CACNB4: variants seen among roughly 807,000 people sequenced by gnomAD.
The protein encoded by CACNB4 is calcium voltage-gated channel auxiliary subunit beta 4.
A neutral mutation model predicts 71.2 loss-of-function variants in CACNB4; 32 were observed. That is an observed-to-expected ratio of 0.45 (90% CI 0.34 to 0.60). The LOEUF is 0.60. Among genes scored for constraint, CACNB4 ranks in the 20% least tolerant of loss-of-function variants. CACNB4 has a pLI of 0.01. For missense variants in CACNB4, 464 were observed against 647.9 expected (o/e 0.72, Z 3.08); for synonymous variants, 231 against 236.9 (o/e 0.97, Z 0.23).
intron 12 of CACNB4, 99 bp downstream of exon 12, chr2:151,853,349 C>T (rs1052739648): frequency 1.5e-5 from 10 of 674,724 alleles, no homozygotes; most frequent in Non-Finnish European, 2.5e-5. Flanking sequence ...ATACCATCAT[C>T]ACCATCATTT....
At chr2:151,862,235 A>G (rs1040420671) in intron 9 of CACNB4, among the ~76,000 whole-genome samples, 2 of 152,206 alleles carry the variant, frequency 1.3e-5, no homozygotes, top group Non-Finnish European at 2.9e-5. Flanking sequence ...TCTGGGGACA[A>G]CACTGCCAGC....
chr2:151,982,628 G>A (rs143609921), intron 2 of CACNB4, among the ~76,000 whole-genome samples: 1,590 of 126,694 alleles, frequency 0.013, 25 homozygotes, highest in African/African-American at 0.049. Flanking sequence ...GCGAGACTCC[G>A]TCTCAAAAAA....
At chr2:152,078,570 G>A (rs546714224) in intron 2 of CACNB4, among the ~76,000 whole-genome samples, 71 of 152,242 alleles carry the variant, frequency 4.7e-4, no homozygotes, top group African/African-American at 1.6e-3. Flanking sequence ...GCTAGATGTC[G>A]CCTCATGACA....
chr2:151,932,091 G>A (rs187525118), intron 2 of CACNB4, among the ~76,000 whole-genome samples: 1 of 152,132 alleles, frequency 6.6e-6, no homozygotes, highest in Admixed American at 6.5e-5. Flanking sequence ...AGATAAAAAT[G>A]GAAGGAAGCT....
intron 12 of CACNB4, 116 bp downstream of exon 12, chr2:151,853,332 T>C (rs1206713002): frequency 3.2e-6 from 2 of 616,570 alleles, no homozygotes; most frequent in Non-Finnish European, 5.6e-6. Flanking sequence ...ATCTTTTAGA[T>C]GACAACATAC....
intron 2 of CACNB4, among the ~76,000 whole-genome samples, chr2:151,947,836 A>T (rs182362084): frequency 1.7e-4 from 26 of 152,316 alleles, no homozygotes; most frequent in African/African-American, 6.0e-4. Context: ...TTGTTGGCTA[A>T]TAAGTCCCTG....
intron 5 of CACNB4, chr2:151,873,851 T>A (rs1046529388): frequency 6.6e-6 from 1 of 152,110 alleles, no homozygotes; most frequent in Non-Finnish European, 1.5e-5. Flanking sequence ...TGAGATGTAA[T>A]CCCCAGTGAT....
intron 2 of CACNB4, among the ~76,000 whole-genome samples, chr2:152,086,361 C>G (rs771095281): frequency 2.4e-4 from 36 of 152,208 alleles, no homozygotes; most frequent in Non-Finnish European, 4.7e-4. Flanking sequence ...CTCAAGCTTT[C>G]TGAAATTAGC....
chr2:151,910,018 AT>A (rs2099855797), intron 2 of CACNB4, among the ~76,000 whole-genome samples: 1 of 152,090 alleles, frequency 6.6e-6, no homozygotes, highest in African/African-American at 2.4e-5. Flanking sequence ...AAGCGTTCCT[AT>A]TTCTCCACAG....
intron 2 of CACNB4, among the ~76,000 whole-genome samples, chr2:151,890,196 G>A (rs1220756443): frequency 1.3e-5 from 2 of 152,096 alleles, no homozygotes; most frequent in Non-Finnish European, 2.9e-5. Context: ...TTTCAAAAAT[G>A]TTGGCTGAAA....
chr2:152,045,769 T>A (rs1159209615), intron 2 of CACNB4, among the ~76,000 whole-genome samples: 1 of 152,072 alleles, frequency 6.6e-6, no homozygotes, highest in African/African-American at 2.4e-5. Flanking sequence ...GACGGTACCT[T>A]AGGCATAGCT....
At position 152,013,942 on chromosome 2, in the gene CACNB4, G is replaced by C. The variant is rs1205957070; in HGVS notation, c.147+84388C>G. Reference sequence around the variant, plus strand: ...CTTAGCAGTTCCATCTGTTCTGCAGGTCAGTTCACTGGTTAAGCAAGTCAC... The same window carrying C: ...CTTAGCAGTTCCATCTGTTCTGCAGCTCAGTTCACTGGTTAAGCAAGTCAC... On this transcript the variant is annotated intron_variant, in intron 2 of 13. Transcript: ENST00000539935. Among the ~76,000 whole-genome samples, 9 of 152,196 alleles carry C rather than the reference G, an allele frequency of 5.9e-5. No homozygotes were observed. In the South Asian group the frequency reaches 1.9e-3, roughly 31 times the overall value.
intron 2 of CACNB4, among the ~76,000 whole-genome samples, chr2:152,093,212 G>T (rs1688073826): frequency 6.6e-6 from 1 of 152,056 alleles, no homozygotes; most frequent in African/African-American, 2.4e-5. Context: ...TTAGGGAGCT[G>T]CCTTCTCTTC....
chr2:152,094,904 C>T (rs544063563), intron 2 of CACNB4, among the ~76,000 whole-genome samples: 2 of 152,356 alleles, frequency 1.3e-5, no homozygotes, highest in African/African-American at 4.8e-5. Flanking sequence ...TGGCAACACT[C>T]TTAGGAAGGT....
chr2:151,920,288 A>T (rs1487761915), intron 2 of CACNB4, among the ~76,000 whole-genome samples: 1 of 144,338 alleles, frequency 6.9e-6, no homozygotes, highest in Non-Finnish European at 1.5e-5. Flanking sequence ...TTACTTTACC[A>T]GTCTAGAGTC....
rs554239792 is a variant in CACNB4, at chr2:151,923,560, G to A, written c.148-40190C>T. ...CTGGAGGAAGCCTGGGTGGAGGCCC[G>A]GATGGCATCTAGCTGACATTCCATT... On this transcript the variant is annotated intron_variant, in intron 2 of 13. Coordinates refer to ENST00000539935, the MANE Select transcript of CACNB4 (RefSeq NM_000726.5). Among the ~76,000 whole-genome samples the A allele has an allele frequency of 4.6e-5, 7 of 152,274 alleles. No individual in the cohort carries two copies. The South Asian group carries it at 1.0e-3, about 23-fold the overall frequency.
intron 5 of CACNB4, 141 bp downstream of exon 5, chr2:151,876,285 A>G: frequency 3.5e-6 from 2 of 566,448 alleles, no homozygotes; most frequent in Non-Finnish European, 2.9e-6. Flanking sequence ...GAGGATAGAG[A>G]ACTATCTGAA....
chr2:151,870,136 C>T, intron 8 of CACNB4: 1 of 625,572 alleles, frequency 1.6e-6, no homozygotes, highest in South Asian at 1.9e-5. Flanking sequence ...TCTGTTTGGG[C>T]TTTAAAGGTT....
At chr2:152,010,768 T>A (rs1254008973) in intron 2 of CACNB4, among the ~76,000 whole-genome samples, 2 of 152,182 alleles carry the variant, frequency 1.3e-5, no homozygotes, top group Non-Finnish European at 2.9e-5. Context: ...CCAGGGTCAA[T>A]GATGGCCCGG....
Sources: gnomAD v4.1 joint callset for allele counts (sites outside exome capture counted in the v4.1 genomes callset) on GRCh38, gnomAD v4.1.1 for gene constraint, MANE v1.5 for transcripts, NCBI Gene and HGNC (gene_info 2026-07-23, HGNC 2026-07-21) for gene names.